Variants in MAP3K2 observed in about 807,000 individuals in gnomAD.
MAP3K2 encodes the protein MAP/ERK kinase kinase 2.
Under a neutral mutation model 80.3 loss-of-function variants are expected in MAP3K2, and 24 were observed. The observed-to-expected ratio is 0.30, with a 90% confidence interval of 0.22 to 0.42. The LOEUF (loss-of-function observed/expected upper bound fraction) is 0.42. Ranked by LOEUF, MAP3K2 falls within the 10% of genes least tolerant of loss-of-function variation. The pLI is 1.00. For synonymous variants in MAP3K2, 244 were observed against 253.7 expected (o/e 0.96, Z 0.36); for missense variants, 608 against 750.1 (o/e 0.81, Z 2.21).
chr2:127,353,555 C>G (rs1430045733), intron 1 of MAP3K2, among the ~76,000 whole-genome samples: 2 of 53,468 alleles, frequency 3.7e-5, no homozygotes, highest in African/African-American at 7.8e-5. Flanking sequence ...GCTGCCCCGT[C>G]CGGGAGGGAG....
rs909463734 is a variant in MAP3K2, at chr2:127,305,912, A to C, written c.*1667T>G. ...TTTTTAACCTTCCCATTAGTAGTTA[A>C]AATTTTGTTTTGATATGCTTTTTTT... On this transcript the variant is annotated 3_prime_UTR_variant, in exon 17 of 17. Transcript: ENST00000682094. 3 of 146,996 alleles carry C rather than the reference A, an allele frequency of 2.0e-5. No individual in the cohort carries two copies. Among genetic ancestry groups the C allele is most frequent in the African/African-American group, 7.6e-5 (3 of 39,670 alleles). The allele number at this position is 146,996 out of a possible 1,614,324, so 9.1% of individuals were successfully genotyped here.
rs1282828021 is a variant in MAP3K2, at chr2:127,299,793, A to G, written c.*7786T>C. On this transcript the variant is annotated 3_prime_UTR_variant, in exon 17 of 17. Coordinates refer to ENST00000682094, the MANE Select transcript of MAP3K2 (RefSeq NM_001371910.2). ...AATACTTTTGATCAGCCAGCTGAAA[A>G]TATATTCATATAGTAAATAATCTCT... 6.6e-6 allele frequency: 1 copy of G among 152,150 alleles called. No homozygotes were observed. Among genetic ancestry groups the G allele is most frequent in the Non-Finnish European group, 1.5e-5 (1 of 67,982 alleles). The allele number at this position is 152,150 out of a possible 1,614,324, so 9.4% of individuals were successfully genotyped here.
At chr2:127,385,998 C>A (rs916806789) in intron 1 of MAP3K2, among the ~76,000 whole-genome samples, 5 of 152,202 alleles carry the variant, frequency 3.3e-5, no homozygotes, top group African/African-American at 1.2e-4. Flanking sequence ...TAAGATTCAA[C>A]ATGTTTATAT....
At chr2:127,324,886 A>T (rs931597537) in intron 9 of MAP3K2, among the ~76,000 whole-genome samples, 2 of 152,190 alleles carry the variant, frequency 1.3e-5, no homozygotes, top group African/African-American at 4.8e-5. Flanking sequence ...CACATTTTGC[A>T]ACTTTATCCT....
rs1280449237 is a variant in MAP3K2, at chr2:127,308,730, C to T, written c.1489G>A (p.Val497Ile). The T allele has an allele frequency of 1.3e-5, 21 of 1,613,774 alleles. No individual in the cohort carries two copies. The highest frequency in any genetic ancestry group is 1.7e-5 in the Non-Finnish European group (20 of 1,179,776). ...CTGGCCCCAAAATCTCCTAGTTTGA[C>T]GTTGCCTGTTGAATCTCGCAGGATA... ...ANILRDSTGN[V>I]KLGDFGASKR... The change falls in exon 16 of 17, where the codon GTC becomes ATC. Residue 497 changes from valine to isoleucine, a missense_variant. By Grantham distance (29) the Val-to-Ile change is conservative. Around this residue, in one of 4 missense-constraint regions of MAP3K2, gnomAD observed 88 missense variants for 132.4 expected, o/e 0.66. Transcript: ENST00000682094.
At chr2:127,320,152 C>G (rs988684621) in intron 12 of MAP3K2, among the ~76,000 whole-genome samples, 8 of 152,124 alleles carry the variant, frequency 5.3e-5, no homozygotes, top group African/African-American at 1.7e-4. Context: ...CAAAAAAAAT[C>G]AAAAGAGAAA....
rs1686360028 is a variant in MAP3K2, at chr2:127,335,901, T to C, written c.233A>G (p.Gln78Arg). 1 of 1,573,332 alleles carries C rather than the reference T, an allele frequency of 6.4e-7. No individual in the cohort carries two copies. Among genetic ancestry groups the C allele is most frequent in the South Asian group, 1.2e-5 (1 of 86,026 alleles). The change falls in exon 5 of 17, where the codon CAG (glutamine) becomes CGG (arginine). Residue 78 changes from glutamine (Q) to arginine (R), a missense_variant. By Grantham distance (43) the Gln-to-Arg change is conservative. Coordinates refer to ENST00000682094, the MANE Select transcript of MAP3K2 (RefSeq NM_001371910.2). ...ATTGGTATAATGTAGATCCATAGAC[T>C]GTCCAAAGGCAATTTTAGCTTTAGA... ...LRSKAKIAFG[Q>R]SMDLHYTNNE...
chr2:127,330,337 C>T (rs1448929587), intron 6 of MAP3K2, 55 bp downstream of exon 6: 5 of 811,810 alleles, frequency 6.2e-6, no homozygotes, highest in Admixed American at 3.1e-5. Context: ...CATATGTTAA[C>T]TTTTACAAGC....
rs115190141 is a variant in MAP3K2 at position 127,334,927 on chromosome 2, C to T, written c.264+943G>A. ...CTGGAACTACAGGTGCACGTCACCACGCTCAGCTAATTTTTGTATTTTTAG... is the reference window on the plus strand; with the variant it reads ...CTGGAACTACAGGTGCACGTCACCATGCTCAGCTAATTTTTGTATTTTTAG... On this transcript the variant is annotated intron_variant, in intron 5 of 16. Transcript: ENST00000682094. 2.7e-3 allele frequency among the ~76,000 whole-genome samples: 411 copies of T among 152,208 alleles called. 1 individual carries two copies. The highest frequency in any genetic ancestry group is 7.7e-3 in the African/African-American group (320 of 41,504).
intron 1 of MAP3K2, among the ~76,000 whole-genome samples, chr2:127,361,015 T>C (rs183168111): frequency 1.6e-3 from 249 of 152,072 alleles, no homozygotes; most frequent in African/African-American, 5.1e-3. Context: ...CTCAAAACCA[T>C]ATAAAATTCA....
chr2:127,363,938 G>A (rs1330861200), intron 1 of MAP3K2, among the ~76,000 whole-genome samples: 1 of 152,162 alleles, frequency 6.6e-6, no homozygotes. Context: ...TTATAGGCAA[G>A]AGCCACCAAG....
intron 15 of MAP3K2, among the ~76,000 whole-genome samples, chr2:127,309,641 T>C (rs2104805060): frequency 6.6e-6 from 1 of 152,272 alleles, no homozygotes; most frequent in Admixed American, 6.5e-5. Context: ...TTAGGTGGGA[T>C]ACTTTCTCAA....
At chr2:127,387,095 C>T (rs1260080221) in intron 1 of MAP3K2, among the ~76,000 whole-genome samples, 1 of 152,222 alleles carries the variant, frequency 6.6e-6, no homozygotes, top group Non-Finnish European at 1.5e-5. Context: ...CAAAAGATTA[C>T]CACACTGTGA....
chr2:127,361,205 C>T lies in MAP3K2; in HGVS notation c.-65-18011G>A, dbSNP rs534257008. On this transcript the variant is annotated intron_variant, in intron 1 of 16. Coordinates refer to ENST00000682094, the MANE Select transcript of MAP3K2 (RefSeq NM_001371910.2). ...GCAGGCGCCTGTAGTCCCAGCTATTCGGGAGGCTAAGGCAGGAGAATCGCC... is the reference window on the plus strand; with the variant it reads ...GCAGGCGCCTGTAGTCCCAGCTATTTGGGAGGCTAAGGCAGGAGAATCGCC... Among the ~76,000 whole-genome samples, 5 of 150,246 alleles carry T rather than the reference C, an allele frequency of 3.3e-5. No individual in the cohort carries two copies. The South Asian group carries it at 8.4e-4, about 25-fold the overall frequency.
chr2:127,378,976 T>C (rs1295998378), intron 1 of MAP3K2, among the ~76,000 whole-genome samples: 1 of 121,916 alleles, frequency 8.2e-6, no homozygotes, highest in African/African-American at 3.5e-5. Flanking sequence ...GTGGGGTTTT[T>C]TGTTGTTTTT....
chr2:127,349,820 A>G (rs1686661671), intron 1 of MAP3K2, among the ~76,000 whole-genome samples: 1 of 152,110 alleles, frequency 6.6e-6, no homozygotes, highest in Non-Finnish European at 1.5e-5. Context: ...GGGAAGTTTT[A>G]TTTAGTATAT....
At chr2:127,331,175 G>A (rs1229173709) in intron 5 of MAP3K2, among the ~76,000 whole-genome samples, 3 of 152,142 alleles carry the variant, frequency 2.0e-5, no homozygotes, top group Admixed American at 1.3e-4. Context: ...ATGTTATAGA[G>A]GACAAAAGCA....
At chr2:127,363,255 T>C (rs1483570449) in intron 1 of MAP3K2, among the ~76,000 whole-genome samples, 3 of 152,206 alleles carry the variant, frequency 2.0e-5, no homozygotes, top group African/African-American at 7.2e-5. Context: ...TGTTTATTTT[T>C]TTCAACCAAC....
chr2:127,376,872 C>A (rs1474872653), intron 1 of MAP3K2, among the ~76,000 whole-genome samples: 1 of 151,940 alleles, frequency 6.6e-6, no homozygotes, highest in Non-Finnish European at 1.5e-5. Flanking sequence ...TCAAGACCAG[C>A]CTGAGCAATA....
Sources: allele counts gnomAD v4.1 joint callset (sites outside exome capture counted in the v4.1 genomes callset), GRCh38; gene constraint gnomAD v4.1.1; regional missense constraint gnomAD v4.1.1; transcripts MANE v1.5; gene names NCBI Gene and HGNC (gene_info 2026-07-23, HGNC 2026-07-21).